Variants in CSMD1 observed in about 807,000 individuals in gnomAD.
CSMD1 encodes the protein CUB and Sushi multiple domains 1.
In CSMD1, 213 loss-of-function variants were observed where a neutral mutation model predicts 417.5. The observed-to-expected ratio is 0.51, with a 90% CI of 0.46 to 0.57. The LOEUF is 0.57. Among genes scored for constraint, CSMD1 ranks in the 20% least tolerant of loss-of-function variants. The pLI is 0.00. For missense variants in CSMD1, 6,923 were observed against 4,529.7 expected (o/e 1.53, Z -15.17); for synonymous variants, 2,862 against 1,736.8 (o/e 1.65, Z -16.11).
intron 7 of CSMD1, among the ~76,000 whole-genome samples, chr8:3,705,050 C>T (rs904566439): frequency 2.0e-5 from 3 of 152,172 alleles, no homozygotes; most frequent in African/African-American, 4.8e-5. Flanking sequence ...ATGACAGGGT[C>T]CCACCAGGAA....
At chr8:3,851,214 G>A (rs928000205) in intron 5 of CSMD1, among the ~76,000 whole-genome samples, 11 of 152,212 alleles carry the variant, frequency 7.2e-5, no homozygotes, top group African/African-American at 2.2e-4. Context: ...ATGCTAGAAG[G>A]TAGAATATTT....
chr8:4,305,212 A>T (rs11779669), intron 3 of CSMD1, among the ~76,000 whole-genome samples: 1 of 152,084 alleles, frequency 6.6e-6, no homozygotes, highest in African/African-American at 2.4e-5. Flanking sequence ...TCCCCAACAG[A>T]GAAGGATGAA....
At chr8:4,001,236 C>T (rs1182823476) in intron 4 of CSMD1, among the ~76,000 whole-genome samples, 1 of 152,168 alleles carries the variant, frequency 6.6e-6, no homozygotes, top group African/African-American at 2.4e-5. Context: ...GAAAACCTCT[C>T]AGTAACCTTG....
intron 4 of CSMD1, among the ~76,000 whole-genome samples, chr8:4,007,365 T>C (rs1816206783): frequency 6.6e-6 from 1 of 152,224 alleles, no homozygotes; most frequent in Admixed American, 6.5e-5. Flanking sequence ...TCACTGGGTC[T>C]AGCCACACTG....
At chr8:4,584,623 C>T (rs909544818) in intron 2 of CSMD1, among the ~76,000 whole-genome samples, 3 of 152,040 alleles carry the variant, frequency 2.0e-5, no homozygotes, top group African/African-American at 4.8e-5. Flanking sequence ...CATGCAGCTC[C>T]GGGGTCCCAA....
chr8:4,367,863 T>C (rs1802174536), intron 3 of CSMD1, among the ~76,000 whole-genome samples: 1 of 152,192 alleles, frequency 6.6e-6, no homozygotes. Context: ...TGAGCTTCGA[T>C]AGGGTATAGA....
chr8:3,414,797 T>C (rs900724495), intron 12 of CSMD1, among the ~76,000 whole-genome samples: 11 of 152,212 alleles, frequency 7.2e-5, no homozygotes, highest in Non-Finnish European at 1.6e-4. Context: ...CCTTCACACC[T>C]GCTGTAAATA....
At chr8:4,389,208 G>C (rs538520013) in intron 3 of CSMD1, among the ~76,000 whole-genome samples, 2 of 152,208 alleles carry the variant, frequency 1.3e-5, no homozygotes, top group African/African-American at 4.8e-5. Context: ...TGGAGGGAGT[G>C]GGCTACTTCT....
chr8:4,372,942 C>T (rs959520563), intron 3 of CSMD1, among the ~76,000 whole-genome samples: 1 of 152,198 alleles, frequency 6.6e-6, no homozygotes, highest in East Asian at 1.9e-4. Context: ...TAGTGATTTG[C>T]TTCCGAAGAG....
intron 1 of CSMD1, among the ~76,000 whole-genome samples, chr8:4,823,786 G>C (rs955826076): frequency 6.6e-6 from 1 of 151,812 alleles, no homozygotes; most frequent in Non-Finnish European, 1.5e-5. Flanking sequence ...GTGCACAAGT[G>C]TCTCATGGAG....
At chr8:4,897,395 A>C (rs1425120327) in intron 1 of CSMD1, among the ~76,000 whole-genome samples, 1 of 152,116 alleles carries the variant, frequency 6.6e-6, no homozygotes, top group Non-Finnish European at 1.5e-5. Flanking sequence ...TTCAACAGGA[A>C]AAAAGTTACA....
intron 5 of CSMD1, among the ~76,000 whole-genome samples, chr8:3,766,493 G>A (rs1014123270): frequency 2.0e-5 from 3 of 152,068 alleles, no homozygotes; most frequent in South Asian, 2.1e-4. Context: ...AACAAACAGG[G>A]AGACACCCTT....
intron 5 of CSMD1, among the ~76,000 whole-genome samples, chr8:3,773,674 G>A (rs145187176): frequency 3.5e-4 from 54 of 152,240 alleles, no homozygotes; most frequent in African/African-American, 1.3e-3. Flanking sequence ...TCTATTTGCT[G>A]ACTTACAGCA....
intron 7 of CSMD1, among the ~76,000 whole-genome samples, chr8:3,701,972 GTCTCTTTTTTT>G (rs1800894780): frequency 6.6e-6 from 1 of 151,916 alleles, no homozygotes; most frequent in South Asian, 2.1e-4. Flanking sequence ...TTTGCTTCAG[GTCTCTTTTTTT>G]TTTCTTTTCA....
chr8:3,324,656 C>A (rs532254561), intron 23 of CSMD1, among the ~76,000 whole-genome samples: 2 of 149,066 alleles, frequency 1.3e-5, no homozygotes, highest in Admixed American at 6.9e-5. Context: ...ACCCCAGAGA[C>A]CCAGTAGAGT....
intron 5 of CSMD1, among the ~76,000 whole-genome samples, chr8:3,856,706 G>C (rs916616375): frequency 3.9e-5 from 6 of 152,176 alleles, no homozygotes; most frequent in African/African-American, 1.4e-4. Flanking sequence ...GGAAGATAGG[G>C]TATGCTGTTT....
At chr8:4,108,630 A>C (rs1801693308) in intron 3 of CSMD1, among the ~76,000 whole-genome samples, 1 of 152,228 alleles carries the variant, frequency 6.6e-6, no homozygotes, top group Non-Finnish European at 1.5e-5. Flanking sequence ...GAGTCTCAGA[A>C]GAGCCTTTTG....
chr8:3,574,894 C>T, intron 10 of CSMD1, 51 bp downstream of exon 10: 3 of 1,595,880 alleles, frequency 1.9e-6, no homozygotes, highest in South Asian at 1.1e-5. Context: ...ACAATAGATC[C>T]TATAAGAGTG....
At chr8:3,394,940 A>G (rs1811596502) in intron 17 of CSMD1, among the ~76,000 whole-genome samples, 1 of 152,220 alleles carries the variant, frequency 6.6e-6, no homozygotes, top group Non-Finnish European at 1.5e-5. Context: ...ATCTAAAAGT[A>G]GACAAAATCT....
Sources: gnomAD v4.1 joint callset for allele counts (sites outside exome capture counted in the v4.1 genomes callset) on GRCh38, gnomAD v4.1.1 for gene constraint, MANE v1.5 for transcripts, NCBI Gene and HGNC (gene_info 2026-07-23, HGNC 2026-07-21) for gene names.